STK31: variants seen among roughly 807,000 people sequenced by gnomAD.
STK31 encodes serine/threonine-protein kinase 31.
Under a neutral mutation model 129.7 loss-of-function variants are expected in STK31, and 89 were observed. The ratio of observed to expected loss-of-function variants is 0.69; its 90% CI spans 0.58 to 0.82. The LOEUF (loss-of-function observed/expected upper bound fraction) is 0.82. STK31 is among the 40% of genes least tolerant of loss of function. The pLI, the probability that STK31 is intolerant of heterozygous loss-of-function variation, is 0.00. For synonymous variants in STK31, 448 were observed against 395.3 expected, an observed-to-expected ratio of 1.13 and a Z score of -1.58; for missense variants, 1,187 against 1,176.4, an observed-to-expected ratio of 1.01 and a Z score of -0.13.
chr7:23,774,803 G>A (rs182958940), intron 15 of STK31, among the ~76,000 whole-genome samples: 27 of 152,244 alleles, frequency 1.8e-4, no homozygotes, highest in Non-Finnish European at 3.5e-4. Flanking sequence ...TGTCAATTTT[G>A]TCTTTTGTTG....
chr7:23,750,554 T>C (rs1475067305), intron 8 of STK31, among the ~76,000 whole-genome samples: 1 of 152,240 alleles, frequency 6.6e-6, no homozygotes, highest in Non-Finnish European at 1.5e-5. Flanking sequence ...AATATACTTT[T>C]AGAGATAAAG....
At position 23,710,305 on chromosome 7, in the gene STK31, C is replaced by A; in HGVS notation, c.20C>A (p.Ser7Tyr). MWVQGH[S>Y]SRASATESVS... ...TCCAGTATGTGGGTCCAGGGTCACT[C>A]TTCTAGAGCTTCCGCAACGGAAAGT... Residue 7 changes from serine to tyrosine, a missense_variant, in exon 1 of 24, where the codon TCT becomes TAT. Transcript: ENST00000355870. The A allele has an allele frequency of 1.2e-6, 2 of 1,613,342 alleles. No individual in the cohort carries two copies. The highest frequency in any genetic ancestry group is 1.7e-6 in the Non-Finnish European group (2 of 1,179,936).
Position 23,787,968 on chromosome 7 carries a change from A to G in STK31, c.2488-12A>G. The G allele has an allele frequency of 1.3e-6, 2 of 1,531,416 alleles. No homozygotes were observed. Among genetic ancestry groups the G allele is most frequent in the Non-Finnish European group, 1.8e-6 (2 of 1,141,782 alleles). 94.9% of individuals were successfully genotyped at this position (1,531,416 alleles called of 1,614,324 possible). A position where few individuals can be genotyped will look rare whatever the true frequency, so the allele number is the denominator to read the frequency against. Reference sequence around the variant, plus strand: ...CTACTTCCTCACTTCTTTTATGTGTACTTATCTATAGGAAACTTTAAAGGT... The same window carrying G: ...CTACTTCCTCACTTCTTTTATGTGTGCTTATCTATAGGAAACTTTAAAGGT... On this transcript the variant is annotated splice_polypyrimidine_tract_variant and intron_variant, in intron 20 of 23. Transcript: ENST00000355870.
chr7:23,727,029 A>G (rs1423605056), intron 4 of STK31, among the ~76,000 whole-genome samples: 1 of 152,160 alleles, frequency 6.6e-6, no homozygotes, highest in Non-Finnish European at 1.5e-5. Flanking sequence ...TGAAGTCAGA[A>G]GTTTGAATCT....
chr7:23,757,541 T>G lies in STK31; in HGVS notation c.1293+3067T>G, dbSNP rs572254071. ...TGCTGTGCTTTGATGTGCACATACA[T>G]AAACATATCTGGTGCATTAAAGAGT... is the stretch of plus-strand genomic sequence containing the variant. On this transcript the variant is annotated intron_variant, in intron 10 of 23. Coordinates refer to ENST00000355870, the MANE Select transcript of STK31 (RefSeq NM_031414.5). Among the ~76,000 whole-genome samples, 368 of 152,240 alleles carry G rather than the reference T, an allele frequency of 2.4e-3. 2 individuals are homozygous for G. Among genetic ancestry groups the G allele is most frequent in the African/African-American group, 8.6e-3 (356 of 41,550 alleles).
intron 22 of STK31, among the ~76,000 whole-genome samples, chr7:23,809,907 C>T (rs938261702): frequency 1.2e-4 from 19 of 152,130 alleles, no homozygotes; most frequent in African/African-American, 4.6e-4. Context: ...ATGATGTTCA[C>T]ACAAGGATGA....
At chr7:23,762,679 C>T in intron 10 of STK31, 122 bp from the exon 11 acceptor site, 1 of 1,140,632 alleles carries the variant, frequency 8.8e-7, no homozygotes, top group Non-Finnish European at 1.2e-6. Flanking sequence ...AGAGAAATGT[C>T]CTAAGTGCTA....
At chr7:23,712,411 T>C (rs1786029492) in intron 3 of STK31, 125 bp downstream of exon 3, 2 of 914,584 alleles carry the variant, frequency 2.2e-6, no homozygotes, top group African/African-American at 3.4e-5. Context: ...TTTATTGAAT[T>C]ATTTATCACC....
Position 23,805,099 on chromosome 7 carries a change from G to A in STK31, c.2761-10045G>A, listed in dbSNP as rs148124980. Among the ~76,000 whole-genome samples the A allele has an allele frequency of 4.2e-3, 632 of 150,530 alleles. 8 individuals are homozygous for A. Among genetic ancestry groups the A allele is most frequent in the African/African-American group, 0.013 (550 of 41,084 alleles). On this transcript the variant is annotated intron_variant, in intron 22 of 23. Coordinates refer to ENST00000355870, the MANE Select transcript of STK31 (RefSeq NM_031414.5). ...TCTCTCTCTTTTTTTTTTTTGAGAC[G>A]GAGTCTTGCTCTGTCGCCCAGGCTA...
chr7:23,727,095 A>G (rs1787133315), intron 4 of STK31, 146 bp from the exon 5 acceptor site: 1 of 666,350 alleles, frequency 1.5e-6, no homozygotes, highest in Non-Finnish European at 2.6e-6. Flanking sequence ...TAAACAAAGT[A>G]CCTGCCTGAT....
At chr7:23,755,775 T>C (rs1403503567) in intron 10 of STK31, among the ~76,000 whole-genome samples, 1 of 152,224 alleles carries the variant, frequency 6.6e-6, no homozygotes, top group East Asian at 1.9e-4. Flanking sequence ...TTGCTTGTTT[T>C]TGTCAGGTTT....
chr7:23,750,645 A>G (rs953259335), intron 8 of STK31, among the ~76,000 whole-genome samples: 5 of 152,368 alleles, frequency 3.3e-5, no homozygotes, highest in African/African-American at 7.2e-5. Flanking sequence ...CATATTTACA[A>G]CATTTCCTCG....
chr7:23,772,004 T>G (rs1790227453), intron 14 of STK31, 143 bp from the exon 15 acceptor site: 2 of 527,642 alleles, frequency 3.8e-6, no homozygotes, highest in African/African-American at 4.0e-5. Context: ...TGAATTGTCT[T>G]GTTGAAAATT....
chr7:23,751,687 G>A (rs921070924), intron 8 of STK31, among the ~76,000 whole-genome samples: 3 of 152,030 alleles, frequency 2.0e-5, no homozygotes, highest in Admixed American at 2.0e-4. Flanking sequence ...AGTTTTGTCT[G>A]TTTTATTCCC....
intron 8 of STK31, 123 bp from the exon 9 acceptor site, chr7:23,752,594 G>T: frequency 1.4e-6 from 1 of 694,858 alleles, no homozygotes; most frequent in Non-Finnish European, 2.6e-6. Flanking sequence ...GTCCTCCTTG[G>T]CCTCCCAAAG....
chr7:23,772,145 A>T lies in STK31; in HGVS notation c.1834-2A>T. On this transcript the variant is annotated splice_acceptor_variant, in intron 14 of 23. Transcript: ENST00000355870. LOFTEE classifies it high-confidence loss of function. ...GAAAATACGTAACTTTTGTTTACTTAGTTTAAAAAGCAGCTTATTGAATAT... is the reference window on the plus strand; with the variant it reads ...GAAAATACGTAACTTTTGTTTACTTTGTTTAAAAAGCAGCTTATTGAATAT... 6.5e-7 allele frequency: 1 copy of T among 1,550,226 alleles called. No homozygotes were observed. The highest frequency in any genetic ancestry group is 8.7e-7 in the Non-Finnish European group (1 of 1,148,282).
chr7:23,730,468 G>A (rs1351032451), intron 6 of STK31, among the ~76,000 whole-genome samples: 3 of 152,042 alleles, frequency 2.0e-5, no homozygotes, highest in African/African-American at 7.2e-5. Context: ...TCTAAAGTTT[G>A]TTACTTTCTT....
In STK31 at chr7:23,736,898, T is replaced by C. The variant is rs1353237818; in HGVS notation, c.843-6T>C. The C allele has an allele frequency of 6.3e-7, 1 of 1,594,288 alleles. No homozygotes were observed. The highest frequency in any genetic ancestry group is 1.1e-5 in the South Asian group (1 of 87,176). Reference sequence around the variant, plus strand: ...TTTGTCAAAATAAATGAATTTGTTTTTATAGGGAAAGTTTGGCTGTTGGTG... The same window carrying C: ...TTTGTCAAAATAAATGAATTTGTTTCTATAGGGAAAGTTTGGCTGTTGGTG... On this transcript the variant is annotated splice_polypyrimidine_tract_variant and splice_region_variant and intron_variant, in intron 7 of 23. Transcript: ENST00000355870.
At chr7:23,821,646 TTTAG>T (rs1404226710) in intron 23 of STK31, among the ~76,000 whole-genome samples, 9 of 152,192 alleles carry the variant, frequency 5.9e-5, no homozygotes, top group African/African-American at 2.2e-4. Context: ...GCAGAAGCAT[TTTAG>T]TTAAGTATAG....
Sources: gnomAD v4.1 joint callset for allele counts (sites outside exome capture counted in the v4.1 genomes callset) on GRCh38, gnomAD v4.1.1 for gene constraint, MANE v1.5 for transcripts, NCBI Gene and HGNC (gene_info 2026-07-23, HGNC 2026-07-21) for gene names.